PPP1R7: variants seen among roughly 807,000 people sequenced by gnomAD.
PPP1R7 encodes the protein protein phosphatase 1 regulatory subunit 22.
PPP1R7 carries 18 observed loss-of-function variants against 45.2 expected under a neutral mutation model. The observed-to-expected ratio is 0.40, with a 90% CI of 0.28 to 0.59. The LOEUF (loss-of-function observed/expected upper bound fraction) is 0.59, where lower values mean the gene tolerates loss of function less well. Among genes scored for constraint, PPP1R7 ranks in the 20% least tolerant of loss-of-function variants. The pLI is 0.46. For synonymous variants in PPP1R7, 181 were observed against 183.4 expected, an observed-to-expected ratio of 0.99 and a Z score of 0.11; for missense variants, 314 against 455.8, an observed-to-expected ratio of 0.69 and a Z score of 2.83.
Position 241,183,422 on chromosome 2 carries a change from G to C in PPP1R7, c.*599G>C, listed in dbSNP as rs912964939. ...GCCGGGCAGGGCTGACTGTTTTCAC[G>C]TGTGCCCGTCAGTTCTCGCCACATC... On this transcript the variant is annotated 3_prime_UTR_variant, in exon 10 of 10. Transcript: ENST00000234038. 2.1e-6 allele frequency: 1 copy of C among 471,062 alleles called. No homozygotes were observed. 29.2% of individuals were successfully genotyped at this position (471,062 alleles called of 1,614,324 possible).
At chr2:241,150,299 T>C, upstream of PPP1R7, 2 of 1,320,612 alleles carry the variant, frequency 1.5e-6, no homozygotes, top group East Asian at 3.1e-5. Flanking sequence ...CGCCTGAAAT[T>C]ACCTGCTCTG....
chr2:241,180,093 G>A lies in PPP1R7; in HGVS notation c.907-2554G>A, dbSNP rs571837076. ...GACAAACACAAATACATCACATATC[G>A]AGAAAGAAGGAGGTGACACAGCTTG... On this transcript the variant is annotated intron_variant, in intron 9 of 9. Coordinates refer to ENST00000234038, the MANE Select transcript of PPP1R7 (RefSeq NM_002712.3). 9.8e-5 allele frequency among the ~76,000 whole-genome samples: 15 copies of A among 152,312 alleles called. No individual in the cohort carries two copies. In the East Asian group the frequency reaches 2.7e-3, roughly 27 times the overall value.
At chr2:241,177,437 A>C (rs2067927099) in intron 9 of PPP1R7, among the ~76,000 whole-genome samples, 1 of 152,020 alleles carries the variant, frequency 6.6e-6, no homozygotes, top group South Asian at 2.1e-4. Context: ...AATCATAGAG[A>C]GCTTCCTAAC....
intron 9 of PPP1R7, among the ~76,000 whole-genome samples, chr2:241,180,636 C>T (rs990726470): frequency 1.3e-5 from 2 of 151,990 alleles, no homozygotes; most frequent in Non-Finnish European, 2.9e-5. Flanking sequence ...GGATGGCTTC[C>T]CCTGTAATTC....
chr2:241,151,555 G>A (rs144533681), intron 1 of PPP1R7: 1 of 471,240 alleles, frequency 2.1e-6, no homozygotes, highest in East Asian at 6.9e-5. Flanking sequence ...GTCAAAAGGT[G>A]TGGAGGAGAG....
chr2:241,163,164 G>A (rs532475139), intron 6 of PPP1R7, 121 bp from the exon 7 acceptor site: 32 of 666,238 alleles, frequency 4.8e-5, no homozygotes, highest in Non-Finnish European at 7.6e-5. Context: ...TAGCAGATAC[G>A]TCACTAGCCC....
Position 241,183,168 on chromosome 2 carries a change from T to C in PPP1R7, c.*345T>C. On this transcript the variant is annotated 3_prime_UTR_variant, in exon 10 of 10. Transcript: ENST00000234038. The stretch of plus-strand genomic sequence containing the variant: ...TCGTGTGAAACACAGGGCCTGAGAG[T>C]GCTTTACAGGCATTCACGTGCTGTC... The C allele has an allele frequency of 2.6e-6, 1 of 390,758 alleles. No individual in the cohort carries two copies. The highest frequency in any genetic ancestry group is 4.9e-6 in the Non-Finnish European group (1 of 202,976). The allele number at this position is 390,758 out of a possible 1,614,324, so 24.2% of individuals were successfully genotyped here. A position where few individuals can be genotyped will look rare whatever the true frequency, so the allele number is the denominator to read the frequency against.
At chr2:241,173,237 A>C (rs1270324931) in intron 9 of PPP1R7, among the ~76,000 whole-genome samples, 1 of 139,664 alleles carries the variant, frequency 7.2e-6, no homozygotes, top group Non-Finnish European at 1.5e-5. Context: ...ATGCCACTGT[A>C]GTCCAACTTG....
upstream of PPP1R7, chr2:241,149,910 C>G (rs955071035): frequency 2.8e-6 from 4 of 1,434,088 alleles, no homozygotes; most frequent in South Asian, 1.5e-5. Flanking sequence ...GCAAGTGCCC[C>G]GCACCTGCCC....
At chr2:241,160,273 A>T in intron 5 of PPP1R7, 59 bp from the exon 6 acceptor site, 2 of 1,360,420 alleles carry the variant, frequency 1.5e-6, no homozygotes, top group African/African-American at 1.5e-5. Flanking sequence ...TTAAATTGTG[A>T]GTTCTATGCA....
At chr2:241,178,786 C>G (rs886563452) in intron 9 of PPP1R7, among the ~76,000 whole-genome samples, 1 of 145,518 alleles carries the variant, frequency 6.9e-6, no homozygotes, top group African/African-American at 2.6e-5. Context: ...CTCGATGTGG[C>G]CGTGCCTGTG....
intron 9 of PPP1R7, among the ~76,000 whole-genome samples, chr2:241,173,770 T>C (rs75866922): frequency 0.024 from 3,630 of 152,378 alleles, 284 homozygotes; most frequent in East Asian, 0.21. Flanking sequence ...TTCATCTTGC[T>C]GTGCTTGTTT....
chr2:241,171,486 C>T (rs1262735009), intron 9 of PPP1R7, among the ~76,000 whole-genome samples: 4 of 152,212 alleles, frequency 2.6e-5, no homozygotes. Context: ...TTCTCAAACT[C>T]AGTTCCATGC....
chr2:241,173,819 T>C (rs191527277), intron 9 of PPP1R7, among the ~76,000 whole-genome samples: 2 of 152,360 alleles, frequency 1.3e-5, no homozygotes, highest in Admixed American at 1.3e-4. Context: ...ATCATGATCT[T>C]ATCATCTGTA....
At chr2:241,151,675 C>T (rs1015339992) in intron 1 of PPP1R7, 12 of 413,128 alleles carry the variant, frequency 2.9e-5, no homozygotes, top group African/African-American at 6.2e-5. Context: ...CCCACTCCCT[C>T]TTCAGCTGTT....
intron 7 of PPP1R7, among the ~76,000 whole-genome samples, chr2:241,163,863 C>T (rs1036541859): frequency 2.0e-5 from 3 of 152,120 alleles, no homozygotes; most frequent in Non-Finnish European, 4.4e-5. Flanking sequence ...GATCTTCCTG[C>T]CTTGGCCACC....
intron 7 of PPP1R7, among the ~76,000 whole-genome samples, chr2:241,164,327 A>G (rs17384537): frequency 0.27 from 41,483 of 152,202 alleles, 6,838 homozygotes; most frequent in Middle Eastern, 0.45. Context: ...GTTTGGCTCA[A>G]TGGTAAAAGC....
Position 241,182,933 on chromosome 2 carries a change from C to T in PPP1R7, c.*110C>T. On this transcript the variant is annotated 3_prime_UTR_variant, in exon 10 of 10. Transcript: ENST00000234038. ...CGTCACTATATCAACAGTCACAAAC[C>T]CAATGGCAATAAAGGCACTGACGAT... is the stretch of plus-strand genomic sequence containing the variant. 1.6e-6 allele frequency: 2 copies of T among 1,284,490 alleles called. No homozygotes were observed. The highest frequency in any genetic ancestry group is 1.1e-6 in the Non-Finnish European group (1 of 942,594). 79.6% of individuals were successfully genotyped at this position (1,284,490 alleles called of 1,614,324 possible). A position where few individuals can be genotyped will look rare whatever the true frequency, so the allele number is the denominator to read the frequency against.
At chr2:241,164,732 C>G (rs984450196) in intron 7 of PPP1R7, among the ~76,000 whole-genome samples, 1 of 152,042 alleles carries the variant, frequency 6.6e-6, no homozygotes, top group Non-Finnish European at 1.5e-5. Context: ...GAGCCCATCT[C>G]TAAAAAAATT....
Sources: allele counts gnomAD v4.1 joint callset (sites outside exome capture counted in the v4.1 genomes callset), GRCh38; gene constraint gnomAD v4.1.1; transcripts MANE v1.5; gene names NCBI Gene and HGNC (gene_info 2026-07-23, HGNC 2026-07-21).